Variants in VAV3 observed in about 807,000 individuals in gnomAD.
The protein encoded by VAV3 is guanine nucleotide exchange factor VAV3.
A neutral mutation model predicts 131.2 loss-of-function variants in VAV3; 94 were observed. That is an observed-to-expected ratio of 0.72 (90% confidence interval 0.61 to 0.85). The LOEUF (loss-of-function observed/expected upper bound fraction) is 0.85, where lower values mean the gene tolerates loss of function less well. VAV3 is among the 40% of genes least tolerant of loss of function. The pLI is 0.00. For synonymous variants in VAV3, 349 were observed against 342.0 expected (o/e 1.02, Z -0.22); for missense variants, 939 against 1,002.7 (o/e 0.94, Z 0.86).
In VAV3 at chr1:107,666,310, G is replaced by GA. The variant is rs34964336; in HGVS notation, c.1777+17177dup. On this transcript the variant is annotated intron_variant, in intron 19 of 26. Coordinates refer to ENST00000370056, the MANE Select transcript of VAV3 (RefSeq NM_006113.5). ...ACGAACAATGTTCTTACTCTTAAGG[G>GA]AAAAAAATATAAGAGTTAATGTCTT... 1.3e-3 allele frequency among the ~76,000 whole-genome samples: 191 copies of GA among 152,172 alleles called. 1 individual carries two copies. Among genetic ancestry groups the GA allele is most frequent in the Admixed American group, 3.7e-3 (57 of 15,290 alleles).
intron 1 of VAV3, among the ~76,000 whole-genome samples, chr1:107,938,544 G>C (rs1255956805): frequency 6.6e-6 from 1 of 152,162 alleles, no homozygotes; most frequent in Non-Finnish European, 1.5e-5. Context: ...GGAAGAGCTT[G>C]CAGCCTAGGG....
chr1:107,821,146 T>C (rs1039783120), intron 2 of VAV3, among the ~76,000 whole-genome samples: 3 of 152,208 alleles, frequency 2.0e-5, no homozygotes, highest in East Asian at 1.9e-4. Context: ...TAAATAATCA[T>C]TGTTGTTATC....
intron 1 of VAV3, among the ~76,000 whole-genome samples, chr1:107,925,230 G>A (rs1196609434): frequency 6.6e-6 from 1 of 152,010 alleles, no homozygotes; most frequent in Non-Finnish European, 1.5e-5. Context: ...CCTGAGGGAG[G>A]GACCAAAGTG....
chr1:107,836,794 A>G (rs1668496827), intron 2 of VAV3, among the ~76,000 whole-genome samples: 1 of 152,212 alleles, frequency 6.6e-6, no homozygotes. Flanking sequence ...CTCTATGCAT[A>G]CAAATTAGAA....
chr1:107,929,638 C>T (rs1000209211), intron 1 of VAV3, among the ~76,000 whole-genome samples: 1 of 151,926 alleles, frequency 6.6e-6, no homozygotes, highest in South Asian at 2.1e-4. Context: ...ACAGACAGTA[C>T]AATAAGATAT....
chr1:107,640,883 A>G (rs1557725826), intron 20 of VAV3, among the ~76,000 whole-genome samples: 1 of 152,198 alleles, frequency 6.6e-6, no homozygotes, highest in Non-Finnish European at 1.5e-5. Context: ...GCATATTTAT[A>G]TACTATAGAA....
intron 2 of VAV3, among the ~76,000 whole-genome samples, chr1:107,805,963 G>A (rs1667040095): frequency 6.6e-6 from 1 of 152,132 alleles, no homozygotes; most frequent in African/African-American, 2.4e-5. Flanking sequence ...TAGCAGTGTG[G>A]GGAGGCTGGC....
intron 5 of VAV3, among the ~76,000 whole-genome samples, chr1:107,771,004 C>T (rs1665010401): frequency 6.6e-6 from 1 of 152,110 alleles, no homozygotes; most frequent in African/African-American, 2.4e-5. Context: ...GTTGGAAACA[C>T]CATAAATGGT....
chr1:107,688,035 G>A (rs1000250702), intron 18 of VAV3, among the ~76,000 whole-genome samples: 3 of 152,130 alleles, frequency 2.0e-5, no homozygotes, highest in Admixed American at 1.3e-4. Context: ...CAGTAATTCG[G>A]CAAATGTCGG....
chr1:107,727,534 C>T (rs1661922411), intron 15 of VAV3, among the ~76,000 whole-genome samples: 1 of 152,164 alleles, frequency 6.6e-6, no homozygotes, highest in African/African-American at 2.4e-5. Flanking sequence ...AATGTGAATT[C>T]TCATTTGCCA....
intron 25 of VAV3, among the ~76,000 whole-genome samples, chr1:107,574,797 C>G (rs1649495251): frequency 6.6e-6 from 1 of 152,174 alleles, no homozygotes; most frequent in African/African-American, 2.4e-5. Context: ...TATAATTCAC[C>G]TAAGTGAAGA....
intron 17 of VAV3, among the ~76,000 whole-genome samples, chr1:107,701,797 C>T (rs1286191265): frequency 6.6e-6 from 1 of 152,178 alleles, no homozygotes; most frequent in Non-Finnish European, 1.5e-5. Context: ...GTGACCTTTA[C>T]TCCAATTCCC....
intron 15 of VAV3, among the ~76,000 whole-genome samples, chr1:107,720,010 G>A (rs1464772753): frequency 2.0e-5 from 3 of 152,098 alleles, no homozygotes; most frequent in Admixed American, 6.6e-5. Flanking sequence ...ATGGAACAAT[G>A]AGAACACTTG....
chr1:107,745,908 G>C (rs1046565025), intron 15 of VAV3, among the ~76,000 whole-genome samples: 1 of 152,114 alleles, frequency 6.6e-6, no homozygotes, highest in Non-Finnish European at 1.5e-5. Flanking sequence ...CACTCTAGGG[G>C]AACTCAAGGG....
chr1:107,767,204 C>T (rs1310017741), intron 7 of VAV3, among the ~76,000 whole-genome samples: 2 of 152,098 alleles, frequency 1.3e-5, no homozygotes, highest in South Asian at 2.1e-4. Context: ...AAATTGTATT[C>T]GACAGTTTAC....
At chr1:107,901,309 G>T (rs932302816) in intron 1 of VAV3, among the ~76,000 whole-genome samples, 1 of 152,176 alleles carries the variant, frequency 6.6e-6, no homozygotes, top group Non-Finnish European at 1.5e-5. Context: ...GAACACCACA[G>T]CAAACTCAGA....
At chr1:107,808,656 A>C (rs1667174644) in intron 2 of VAV3, among the ~76,000 whole-genome samples, 1 of 149,980 alleles carries the variant, frequency 6.7e-6, no homozygotes, top group Non-Finnish European at 1.5e-5. Context: ...CAAGACACTA[A>C]ATCTTCTATA....
At chr1:107,721,722 T>C (rs906300929) in intron 15 of VAV3, among the ~76,000 whole-genome samples, 1 of 150,194 alleles carries the variant, frequency 6.7e-6, no homozygotes, top group Non-Finnish European at 1.5e-5. Context: ...CTAAATCCTG[T>C]TCCTGGGCCT....
intron 1 of VAV3, among the ~76,000 whole-genome samples, chr1:107,887,821 CA>C (rs1671110832): frequency 6.6e-6 from 1 of 152,116 alleles, no homozygotes. Flanking sequence ...TCTCCTTACC[CA>C]AACTAAATAC....
Sources: gnomAD v4.1 joint callset for allele counts (sites outside exome capture counted in the v4.1 genomes callset) on GRCh38, gnomAD v4.1.1 for gene constraint, MANE v1.5 for transcripts, NCBI Gene and HGNC (gene_info 2026-07-23, HGNC 2026-07-21) for gene names.